Variants in KIF13A observed in about 807,000 individuals in gnomAD.
The protein encoded by KIF13A is kinesin family member 13A, also known as kinesin-like protein KIF13A.
A neutral mutation model predicts 212.2 loss-of-function variants in KIF13A; 79 were observed. The ratio of observed to expected loss-of-function variants is 0.37; its 90% CI spans 0.31 to 0.45. KIF13A has a LOEUF of 0.45. Among genes scored for constraint, KIF13A ranks in the 20% least tolerant of loss-of-function variants. The pLI is 1.00. For missense variants in KIF13A, 1,901 were observed against 2,209.0 expected (o/e 0.86, Z 2.79); for synonymous variants, 789 against 808.6 (o/e 0.98, Z 0.41).
rs201556797 is a variant in KIF13A, at chr6:17,777,768, T to C, written c.4093-414A>G. 1.3e-5 allele frequency among the ~76,000 whole-genome samples: 2 copies of C among 152,218 alleles called. No homozygotes were observed. The highest frequency in any genetic ancestry group is 1.9e-4 in the East Asian group (1 of 5,206). On this transcript the variant is annotated intron_variant, in intron 33 of 38. Coordinates refer to ENST00000259711, the MANE Select transcript of KIF13A (RefSeq NM_022113.6). This position sits in a 1 kb window ranked among gnomAD's most constrained non-coding sequence, Gnocchi z 4.4. ...ATAGACTGCATCAGTTCTACATACA[T>C]ACACATTTATAAAACTGAAATATTA...
At chr6:17,878,149 C>T (rs768341570) in intron 3 of KIF13A, among the ~76,000 whole-genome samples, 5 of 152,050 alleles carry the variant, frequency 3.3e-5, no homozygotes, top group African/African-American at 4.8e-5. Context: ...ACACATATGA[C>T]GCCAGGAGGT....
chr6:17,973,239 T>C, intron 2 of KIF13A, among the ~76,000 whole-genome samples: 1 of 152,214 alleles, frequency 6.6e-6, no homozygotes, highest in East Asian at 1.9e-4. Flanking sequence ...TAAAAATCAC[T>C]GGATCCCACA....
At chr6:17,784,055 A>C (rs1278692260) in intron 28 of KIF13A, among the ~76,000 whole-genome samples, 1 of 152,222 alleles carries the variant, frequency 6.6e-6, no homozygotes, top group Non-Finnish European at 1.5e-5. Context: ...TCAAAGCTCA[A>C]AGGACAGAAT....
At chr6:17,907,887 C>T (rs531068271) in intron 2 of KIF13A, among the ~76,000 whole-genome samples, 1 of 152,246 alleles carries the variant, frequency 6.6e-6, no homozygotes, top group Non-Finnish European at 1.5e-5. Flanking sequence ...AGATGGTTTG[C>T]GCAATGGGAA....
chr6:17,817,367 GA>G, intron 16 of KIF13A, 134 bp from the exon 17 acceptor site: 1 of 697,266 alleles, frequency 1.4e-6, no homozygotes, highest in South Asian at 1.8e-5. Context: ...TGAGAGGCCT[GA>G]GGGGCCACAT....
chr6:17,775,982 G>A (rs145942366), intron 34 of KIF13A, among the ~76,000 whole-genome samples: 3,931 of 152,052 alleles, frequency 0.026, 75 homozygotes, highest in Non-Finnish European at 0.04. Context: ...GGGTTCAAGC[G>A]ATTCTCCTGC....
In KIF13A at chr6:17,895,195, A is replaced by G. The variant is rs1772450724; in HGVS notation, c.159+2973T>C. Among the ~76,000 whole-genome samples the G allele has an allele frequency of 6.6e-6, 1 of 152,186 alleles. No homozygotes were observed. Among genetic ancestry groups the G allele is most frequent in the African/African-American group, 2.4e-5 (1 of 41,446 alleles). On this transcript the variant is annotated intron_variant, in intron 3 of 38. Coordinates refer to ENST00000259711, the MANE Select transcript of KIF13A (RefSeq NM_022113.6). The surrounding 1 kb of genome is among the most constrained non-coding windows in gnomAD (Gnocchi z 4.4). ...TTCAATCTTATGTTTTATGTCTTTGAAGATAACAAATATATTCATTTTGAA... is the reference window on the plus strand; with the variant it reads ...TTCAATCTTATGTTTTATGTCTTTGGAGATAACAAATATATTCATTTTGAA...
downstream of KIF13A, among the ~76,000 whole-genome samples, chr6:17,763,131 T>C (rs73721711): frequency 2.6e-3 from 403 of 152,314 alleles, 1 homozygote; most frequent in African/African-American, 9.1e-3. Flanking sequence ...CTCTTATTTA[T>C]GTAATTTGTG....
intron 2 of KIF13A, among the ~76,000 whole-genome samples, chr6:17,942,955 G>A (rs1319150258): frequency 6.6e-6 from 1 of 152,040 alleles, no homozygotes; most frequent in East Asian, 1.9e-4. Context: ...CTCCAGGCTG[G>A]CCGACAGAGT....
rs111387037 is a variant in KIF13A at position 17,821,552 on chromosome 6, GGTGT to G, written c.1786+4212_1786+4215del. Among the ~76,000 whole-genome samples, 107 of 112,066 alleles carry G rather than the reference GGTGT, an allele frequency of 9.5e-4. 1 individual carries two copies. The highest frequency in any genetic ancestry group is 2.0e-3 in the African/African-American group (67 of 32,984). 73.5% of individuals were successfully genotyped at this position (112,066 alleles called of 152,430 possible). ...TGGGAGGCAAATGGAATTGGGACAT[GGTGT>G]GTGTGTGTGTGTGTGTGTGTGTGTG... On this transcript the variant is annotated intron_variant, in intron 16 of 38. Transcript: ENST00000259711.
intron 25 of KIF13A, among the ~76,000 whole-genome samples, chr6:17,791,676 G>A (rs561052215): frequency 2.0e-5 from 3 of 152,130 alleles, no homozygotes; most frequent in Admixed American, 1.3e-4. Context: ...CCAGGCAGGC[G>A]GATCATTTGA....
chr6:17,872,723 C>T lies in KIF13A; in HGVS notation c.220+654G>A, dbSNP rs373461597. Among the ~76,000 whole-genome samples the T allele has an allele frequency of 2.0e-5, 3 of 152,146 alleles. No individual in the cohort carries two copies. The highest frequency in any genetic ancestry group is 1.3e-4 in the Admixed American group (2 of 15,282). The stretch of plus-strand genomic sequence containing the variant: ...GGACCTCGGCTCACTGCAACCTCTG[C>T]CTCCTGGGCTCAAGGCATTCTCCCG... On this transcript the variant is annotated intron_variant, in intron 4 of 38. Coordinates refer to ENST00000259711, the MANE Select transcript of KIF13A (RefSeq NM_022113.6). This position sits in a 1 kb window ranked among gnomAD's most constrained non-coding sequence, Gnocchi z 4.7.
chr6:17,937,893 C>T (rs1036014257), intron 2 of KIF13A, among the ~76,000 whole-genome samples: 16 of 152,224 alleles, frequency 1.1e-4, no homozygotes, highest in African/African-American at 3.6e-4. Flanking sequence ...GGGCCACAGG[C>T]GTGCAACACC....
At chr6:17,830,444 T>C (rs1170232202) in intron 13 of KIF13A, among the ~76,000 whole-genome samples, 2 of 147,386 alleles carry the variant, frequency 1.4e-5, no homozygotes, top group Admixed American at 6.8e-5. Context: ...TGAAAGTTCT[T>C]TGGAGTCCTT....
At chr6:17,966,789 T>A (rs769600563) in intron 2 of KIF13A, among the ~76,000 whole-genome samples, 2 of 152,092 alleles carry the variant, frequency 1.3e-5, no homozygotes, top group Non-Finnish European at 2.9e-5. Context: ...GCACGAACAA[T>A]AATAACACAC....
chr6:17,895,296 G>A lies in KIF13A; in HGVS notation c.159+2872C>T, dbSNP rs996380420. Among the ~76,000 whole-genome samples, 4 of 152,148 alleles carry A rather than the reference G, an allele frequency of 2.6e-5. No individual in the cohort carries two copies. The highest frequency in any genetic ancestry group is 2.6e-4 in the Admixed American group (4 of 15,276). ...ATTTTTATTATTTCTGTTGGCTCTT[G>A]TTCATGTCACATCTTGTCATGTACC... On this transcript the variant is annotated intron_variant, in intron 3 of 38. Transcript: ENST00000259711. This position sits in a 1 kb window ranked among gnomAD's most constrained non-coding sequence, Gnocchi z 4.4.
chr6:17,891,150 G>C (rs555524962), intron 3 of KIF13A, among the ~76,000 whole-genome samples: 100 of 152,208 alleles, frequency 6.6e-4, no homozygotes, highest in African/African-American at 2.3e-3. Context: ...TTGCTTTTCT[G>C]TTTAAAAGAA....
chr6:17,779,228 T>TA, intron 32 of KIF13A, 129 bp from the exon 33 acceptor site: 1 of 503,440 alleles, frequency 2.0e-6, no homozygotes, highest in Non-Finnish European at 3.5e-6. Context: ...TGATATTTTT[T>TA]AAAGTAGCAT....
In KIF13A at chr6:17,919,075, G is replaced by A. The variant is rs531663788; in HGVS notation, c.147-20895C>T. Among the ~76,000 whole-genome samples, 1 of 152,094 alleles carries A rather than the reference G, an allele frequency of 6.6e-6. No homozygotes were observed. Among genetic ancestry groups the A allele is most frequent in the Non-Finnish European group, 1.5e-5 (1 of 68,014 alleles). Reference sequence around the variant, plus strand: ...GATGCAGTCCTTGGCTCACATCAACGGATCACTTGTAACATTTGAGAAAAT... The same window carrying A: ...GATGCAGTCCTTGGCTCACATCAACAGATCACTTGTAACATTTGAGAAAAT... On this transcript the variant is annotated intron_variant, in intron 2 of 38. Transcript: ENST00000259711. The surrounding 1 kb of genome is among the most constrained non-coding windows in gnomAD (Gnocchi z 4.1).
Sources: allele counts gnomAD v4.1 joint callset (sites outside exome capture counted in the v4.1 genomes callset), GRCh38; gene constraint gnomAD v4.1.1; non-coding constraint Gnocchi (gnomAD v3.1); transcripts MANE v1.5; gene names NCBI Gene and HGNC (gene_info 2026-07-23, HGNC 2026-07-21).